Variants in LAMB4 observed in about 807,000 individuals in gnomAD.
The protein encoded by LAMB4 is laminin subunit beta-4.
A neutral mutation model predicts 199.2 loss-of-function variants in LAMB4; 196 were observed. The ratio of observed to expected loss-of-function variants is 0.98; its 90% CI spans 0.88 to 1.11. The LOEUF (loss-of-function observed/expected upper bound fraction) is 1.11, where lower values mean the gene tolerates loss of function less well. Among genes scored for constraint, LAMB4 ranks in the 50% least tolerant of loss-of-function variants. The probability of loss-of-function intolerance (pLI) is 0.00; values close to 1 mark genes in which losing one functional copy is unlikely to be tolerated. For missense variants in LAMB4, 2,080 were observed against 2,171.2 expected, an observed-to-expected ratio of 0.96 and a Z score of 0.83; for synonymous variants, 744 against 770.6, an observed-to-expected ratio of 0.97 and a Z score of 0.57.
intron 33 of LAMB4, among the ~76,000 whole-genome samples, chr7:108,025,873 T>C (rs1474698312): frequency 6.6e-6 from 1 of 152,226 alleles, no homozygotes; most frequent in East Asian, 1.9e-4. Flanking sequence ...TTCGCCATCC[T>C]CGTCTGTGTT....
At chr7:108,121,122 TTA>T (rs1417192437) in intron 2 of LAMB4, among the ~76,000 whole-genome samples, 3 of 152,166 alleles carry the variant, frequency 2.0e-5, no homozygotes, top group Non-Finnish European at 4.4e-5. Context: ...ATAAACATGT[TTA>T]TGTCTTTTGA....
At chr7:108,012,890 A>C in the LAMB4 span, among the ~76,000 whole-genome samples, 1 of 152,288 alleles carries the variant, frequency 6.6e-6, no homozygotes, top group South Asian at 2.1e-4. Flanking sequence ...CTTCTCTGCC[A>C]AGCCAGTGTT....
At chr7:108,050,509 GA>G (rs1284483158) in intron 26 of LAMB4, among the ~76,000 whole-genome samples, 1 of 152,094 alleles carries the variant, frequency 6.6e-6, no homozygotes, top group East Asian at 1.9e-4. Flanking sequence ...ACAAATTTGT[GA>G]AAGTAATAAG....
intron 25 of LAMB4, among the ~76,000 whole-genome samples, chr7:108,053,614 C>A (rs1053572938): frequency 2.0e-5 from 3 of 152,152 alleles, no homozygotes; most frequent in African/African-American, 7.2e-5. Flanking sequence ...TAGGAGGGAA[C>A]AGGCCTCTGG....
chr7:108,044,037 T>C (rs2035532530), intron 28 of LAMB4, 141 bp from the exon 29 acceptor site: 1 of 608,864 alleles, frequency 1.6e-6, no homozygotes, highest in Non-Finnish European at 2.7e-6. Flanking sequence ...ATAGATTCAT[T>C]TGCAAGGAAT....
chr7:108,099,508 G>A (rs2037744655), intron 10 of LAMB4, among the ~76,000 whole-genome samples: 1 of 152,146 alleles, frequency 6.6e-6, no homozygotes, highest in African/African-American at 2.4e-5. Context: ...CATCATCGGA[G>A]GTGTCCAGGT....
intron 23 of LAMB4, among the ~76,000 whole-genome samples, chr7:108,060,261 T>G (rs1020752354): frequency 1.3e-4 from 20 of 152,192 alleles, no homozygotes; most frequent in Non-Finnish European, 2.8e-4. Context: ...CTTGGAACTG[T>G]GGTTTTTGTT....
At chr7:108,063,571 C>G in intron 22 of LAMB4, among the ~76,000 whole-genome samples, 190 bp downstream of exon 22, 1 of 152,204 alleles carries the variant, frequency 6.6e-6, no homozygotes, top group East Asian at 1.9e-4. Context: ...GTGGCTGCAT[C>G]TGAGAATACC....
At chr7:108,066,037 G>A (rs1394000402) in intron 20 of LAMB4, 118 bp from the exon 21 acceptor site, 1 of 1,050,792 alleles carries the variant, frequency 9.5e-7, no homozygotes, top group Non-Finnish European at 1.4e-6. Context: ...TTTAGAAGAT[G>A]TTCATTTGCT....
chr7:108,122,265 C>G (rs563954443), intron 2 of LAMB4, among the ~76,000 whole-genome samples: 1 of 152,200 alleles, frequency 6.6e-6, no homozygotes, highest in Admixed American at 6.5e-5. Context: ...TCAAAGAGAA[C>G]ATGTAAGGCA....
chr7:108,093,457 G>T (rs763408304), intron 12 of LAMB4, among the ~76,000 whole-genome samples: 1 of 152,204 alleles, frequency 6.6e-6, no homozygotes, highest in Non-Finnish European at 1.5e-5. Context: ...TGGAGGCAGA[G>T]AAATCCTTCA....
intron 17 of LAMB4, among the ~76,000 whole-genome samples, chr7:108,076,404 T>A (rs2036705195): frequency 6.6e-6 from 1 of 152,082 alleles, no homozygotes; most frequent in Non-Finnish European, 1.5e-5. Context: ...GAAGACTACA[T>A]ACATACCATA....
chr7:108,104,539 A>G lies in LAMB4; in HGVS notation c.951T>C (p.Pro317=). ...CCTGGAGGTCTGCAGCTGGCCTCCAAGGAGCATCCTGGAAGAAGTCCTTGC... is the reference window on the plus strand; with the variant it reads ...CCTGGAGGTCTGCAGCTGGCCTCCAGGGAGCATCCTGGAAGAAGTCCTTGC... ...ERCKDFFQDA[P]WRPAADLQDN... The change falls in exon 9 of 34, where the codon CCT becomes CCC. Residue 317 remains proline (P), a synonymous_variant. Coordinates refer to ENST00000388781, the MANE Select transcript of LAMB4 (RefSeq NM_007356.3). The G allele has an allele frequency of 1.9e-6, 3 of 1,614,238 alleles. No individual in the cohort carries two copies. Among genetic ancestry groups the G allele is most frequent in the Non-Finnish European group, 1.7e-6 (2 of 1,180,034 alleles).
intron 14 of LAMB4, among the ~76,000 whole-genome samples, chr7:108,086,902 A>G (rs1343139085): frequency 1.3e-5 from 2 of 152,150 alleles, no homozygotes; most frequent in East Asian, 3.8e-4. Context: ...TCCCTAGGTA[A>G]CATGCACAGT....
chr7:108,117,474 G>GATTAA (rs1333276525), intron 2 of LAMB4, among the ~76,000 whole-genome samples: 14 of 152,100 alleles, frequency 9.2e-5, no homozygotes, highest in African/African-American at 3.1e-4. Context: ...AATCTTACTG[G>GATTAA]GGGTTAAGAT....
At chr7:108,062,174 T>C (rs2036185164) in intron 23 of LAMB4, among the ~76,000 whole-genome samples, 1 of 152,222 alleles carries the variant, frequency 6.6e-6, no homozygotes, top group Non-Finnish European at 1.5e-5. Context: ...CATTAAAAAT[T>C]CTGTGCCCAC....
chr7:108,067,988 G>A (rs542181788), intron 19 of LAMB4, 28 bp downstream of exon 19: 3 of 1,614,010 alleles, frequency 1.9e-6, no homozygotes, highest in Admixed American at 1.7e-5. Flanking sequence ...GTGAGCAAGT[G>A]TTTCCCCTTG....
chr7:108,030,758 A>C, intron 32 of LAMB4, 48 bp downstream of exon 32: 2 of 1,574,790 alleles, frequency 1.3e-6, no homozygotes, highest in Non-Finnish European at 1.7e-6. Flanking sequence ...CTATCTTTCA[A>C]AGAAGCCCTG....
At chr7:108,061,464 C>T (rs942569700) in intron 23 of LAMB4, among the ~76,000 whole-genome samples, 5 of 151,976 alleles carry the variant, frequency 3.3e-5, no homozygotes, top group Admixed American at 1.3e-4. Flanking sequence ...GGGGGCTGGG[C>T]GTCGTGGCTC....
Sources: allele counts gnomAD v4.1 joint callset (sites outside exome capture counted in the v4.1 genomes callset), GRCh38; gene constraint gnomAD v4.1.1; transcripts MANE v1.5; gene names NCBI Gene and HGNC (gene_info 2026-07-23, HGNC 2026-07-21).